Variants in MEI4 observed in about 807,000 individuals in gnomAD.
MEI4 encodes the protein meiosis-specific protein MEI4.
Under a neutral mutation model 31.4 loss-of-function variants are expected in MEI4, and 27 were observed. The observed-to-expected ratio is 0.86, with a 90% CI of 0.63 to 1.19. MEI4 has a LOEUF of 1.19. Among genes scored for constraint, MEI4 ranks in the 50% most tolerant of loss-of-function variants. MEI4 has a pLI of 0.00. For missense variants in MEI4, 329 were observed against 398.9 expected (o/e 0.82, Z 1.49); for synonymous variants, 122 against 145.4 (o/e 0.84, Z 1.16).
intron 4 of MEI4, among the ~76,000 whole-genome samples, chr6:77,885,241 A>G (rs1358366837): frequency 6.6e-6 from 1 of 151,340 alleles, no homozygotes; most frequent in Non-Finnish European, 1.5e-5. Flanking sequence ...GCTAGAGTGC[A>G]GTGGTGCAGT....
At chr6:77,845,997 T>G (rs1770474860) in intron 4 of MEI4, among the ~76,000 whole-genome samples, 1 of 151,974 alleles carries the variant, frequency 6.6e-6, no homozygotes, top group Non-Finnish European at 1.5e-5. Flanking sequence ...TTATCTTTTC[T>G]CATTATTTTC....
Position 77,729,877 on chromosome 6 carries a change from TAAAG to T in MEI4, c.233-31248_233-31245del, listed in dbSNP as rs578234793. 1.8e-4 allele frequency among the ~76,000 whole-genome samples: 27 copies of T among 152,234 alleles called. No homozygotes were observed. In the East Asian group the frequency reaches 4.3e-3, roughly 24 times the overall value. On this transcript the variant is annotated intron_variant, in intron 2 of 4. Coordinates refer to ENST00000684080, the MANE Select transcript of MEI4 (RefSeq NM_001322247.2). Reference sequence around the variant, plus strand: ...AGGTATCAGTGCATCTGATTTTCAATAAAGAAAGTGAAGTAGATGCATGGTAGAA... The same window carrying T: ...AGGTATCAGTGCATCTGATTTTCAATAAAGTGAAGTAGATGCATGGTAGAA...
intron 2 of MEI4, among the ~76,000 whole-genome samples, chr6:77,749,088 A>T (rs1382522118): frequency 3.3e-5 from 5 of 152,196 alleles, no homozygotes; most frequent in Non-Finnish European, 7.3e-5. Context: ...AAATAAAAAG[A>T]TGCCCACTCA....
chr6:77,658,854 A>G (rs1466691460), intron 1 of MEI4, among the ~76,000 whole-genome samples: 1 of 152,174 alleles, frequency 6.6e-6, no homozygotes, highest in Admixed American at 6.5e-5. Context: ...CAGCATAATT[A>G]CTTGCTTGGT....
At chr6:77,916,677 C>T (rs538796776) in intron 4 of MEI4, among the ~76,000 whole-genome samples, 5 of 152,002 alleles carry the variant, frequency 3.3e-5, no homozygotes, top group African/African-American at 1.2e-4. Flanking sequence ...ACTTTCTTTG[C>T]TTATCCATTA....
rs972726018 is a variant in MEI4, at chr6:77,822,624, T to C, written c.769-6307T>C. Among the ~76,000 whole-genome samples, 1,324 of 137,094 alleles carry C rather than the reference T, an allele frequency of 9.7e-3. 14 individuals are homozygous for C. Among genetic ancestry groups the C allele is most frequent in the Non-Finnish European group, 0.016 (1,020 of 62,404 alleles). The allele number at this position is 137,094 out of a possible 152,430, so 89.9% of individuals were successfully genotyped here. A position where few individuals can be genotyped will look rare whatever the true frequency, so the allele number is the denominator to read the frequency against. The stretch of plus-strand genomic sequence containing the variant: ...ATTGCATTTGGATACCCCCCCCCCC[T>C]TTTTTTTTTTCTTGAGACAGAGTCT... On this transcript the variant is annotated intron_variant, in intron 3 of 4. Transcript: ENST00000684080.
chr6:77,699,446 C>T (rs1307898032), intron 2 of MEI4, among the ~76,000 whole-genome samples: 1 of 152,172 alleles, frequency 6.6e-6, no homozygotes, highest in Admixed American at 6.5e-5. Flanking sequence ...CCCGCCTCGG[C>T]CTCCCAAAGT....
chr6:77,781,560 A>G lies in MEI4; in HGVS notation c.768+19895A>G, dbSNP rs73760046. ...TAATATCCCCAGGTAATTCACATAA[A>G]CATTAAATTTTCAAAATATTTTGAT... is the stretch of plus-strand genomic sequence containing the variant. On this transcript the variant is annotated intron_variant, in intron 3 of 4. Coordinates refer to ENST00000684080, the MANE Select transcript of MEI4 (RefSeq NM_001322247.2). 8.4e-3 allele frequency among the ~76,000 whole-genome samples: 1,276 copies of G among 152,286 alleles called. 12 individuals carry two copies. Among genetic ancestry groups the G allele is most frequent in the African/African-American group, 0.028 (1,182 of 41,558 alleles).
chr6:77,770,933 CAT>C (rs1231738880), intron 3 of MEI4, among the ~76,000 whole-genome samples: 2 of 152,062 alleles, frequency 1.3e-5, no homozygotes, highest in African/African-American at 2.4e-5. Context: ...AAAAAATTGA[CAT>C]ATGGGATCAA....
chr6:77,831,859 A>T (rs1028672693), intron 4 of MEI4, among the ~76,000 whole-genome samples: 1 of 152,068 alleles, frequency 6.6e-6, no homozygotes, highest in Non-Finnish European at 1.5e-5. Context: ...ATAGTTAATT[A>T]TAACTAAATT....
intron 2 of MEI4, among the ~76,000 whole-genome samples, chr6:77,758,512 T>C (rs75263676): frequency 3.7e-4 from 56 of 152,328 alleles, no homozygotes; most frequent in South Asian, 8.3e-4. Flanking sequence ...ACCATTCTTT[T>C]TGTGCACTGT....
intron 3 of MEI4, among the ~76,000 whole-genome samples, chr6:77,817,203 G>T (rs1769709486): frequency 6.6e-6 from 1 of 152,086 alleles, no homozygotes; most frequent in African/African-American, 2.4e-5. Flanking sequence ...CTACTTTATA[G>T]GTTAGGTTCA....
At chr6:77,858,332 C>T (rs1231651643) in intron 4 of MEI4, among the ~76,000 whole-genome samples, 1 of 151,924 alleles carries the variant, frequency 6.6e-6, no homozygotes, top group Non-Finnish European at 1.5e-5. Flanking sequence ...CATTAATGCT[C>T]AAAGGCATAT....
At chr6:77,770,694 T>G (rs1768289567) in intron 3 of MEI4, among the ~76,000 whole-genome samples, 2 of 151,998 alleles carry the variant, frequency 1.3e-5, no homozygotes, top group Admixed American at 1.3e-4. Context: ...GAAATAATGC[T>G]CCACACCTCC....
At chr6:77,688,903 A>T (rs1221025309) in intron 1 of MEI4, among the ~76,000 whole-genome samples, 1 of 152,018 alleles carries the variant, frequency 6.6e-6, no homozygotes, top group Non-Finnish European at 1.5e-5. Context: ...ATGGAGGATG[A>T]TCCAGGGAGT....
chr6:77,682,024 C>T (rs9352509), intron 1 of MEI4, among the ~76,000 whole-genome samples: 20,519 of 152,192 alleles, frequency 0.13, 1,471 homozygotes, highest in Middle Eastern at 0.2. Context: ...ATTTGTCAGA[C>T]GGATCTAATC....
rs12173339 is a variant in MEI4 at position 77,926,893 on chromosome 6, T to C, written c.*3547T>C. The C allele has an allele frequency of 6.6e-6, 1 of 152,074 alleles. No homozygotes were observed. The highest frequency in any genetic ancestry group is 1.9e-4 in the East Asian group (1 of 5,154). 9.4% of individuals were successfully genotyped at this position (152,074 alleles called of 1,614,324 possible). On this transcript the variant is annotated 3_prime_UTR_variant, in exon 5 of 5. Transcript: ENST00000684080. ...TGAAAAAATATATAGGATTTTATTATTGTTAAAAGTTAATTGATTCCGAAT... is the reference window on the plus strand; with the variant it reads ...TGAAAAAATATATAGGATTTTATTACTGTTAAAAGTTAATTGATTCCGAAT...
intron 4 of MEI4, among the ~76,000 whole-genome samples, chr6:77,841,333 A>ATTTTTTTTTT (rs1239589008): frequency 1.0e-3 from 28 of 27,736 alleles, no homozygotes; most frequent in East Asian, 9.0e-3. Flanking sequence ...ATATATATAT[A>ATTTTTTTTTT]TTTTTTTTTT....
rs536979894 is a variant in MEI4, at chr6:77,731,436, G to C, written c.233-29694G>C. On this transcript the variant is annotated intron_variant, in intron 2 of 4. Coordinates refer to ENST00000684080, the MANE Select transcript of MEI4 (RefSeq NM_001322247.2). The stretch of plus-strand genomic sequence containing the variant: ...CTGCATAAATGTCTTCTTTTGAGAA[G>C]TGTCTGTTCATGTCCTTTGCCCACT... 2.3e-4 allele frequency among the ~76,000 whole-genome samples: 35 copies of C among 151,268 alleles called. 1 individual carries two copies. Among genetic ancestry groups the C allele is most frequent in the Admixed American group, 1.4e-3 (22 of 15,178 alleles).
Sources: gnomAD v4.1 joint callset for allele counts (sites outside exome capture counted in the v4.1 genomes callset) on GRCh38, gnomAD v4.1.1 for gene constraint, MANE v1.5 for transcripts, NCBI Gene and HGNC (gene_info 2026-07-23, HGNC 2026-07-21) for gene names.